Variants in CTCF observed in about 807,000 individuals in gnomAD.
CTCF encodes the protein CCCTC-binding factor.
In CTCF, 7 loss-of-function variants were observed where a neutral mutation model predicts 72.3. The ratio of observed to expected loss-of-function variants is 0.10; its 90% confidence interval spans 0.06 to 0.18. The LOEUF (loss-of-function observed/expected upper bound fraction) is 0.18, where lower values mean the gene tolerates loss of function less well. CTCF is among the 10% of genes least tolerant of loss of function. The probability of loss-of-function intolerance (pLI) is 1.00; values close to 1 mark genes in which losing one functional copy is unlikely to be tolerated. For synonymous variants in CTCF, 374 were observed against 315.8 expected, an observed-to-expected ratio of 1.18 and a Z score of -1.95; for missense variants, 516 against 949.1, an observed-to-expected ratio of 0.54 and a Z score of 6.00.
chr16:67,633,918 G>A (rs1462703749), intron 10 of CTCF, among the ~76,000 whole-genome samples: 4 of 152,030 alleles, frequency 2.6e-5, no homozygotes, highest in Non-Finnish European at 5.9e-5. Flanking sequence ...TCCTGGTATA[G>A]TAGGTAGGGG....
At chr16:67,594,121 G>A (rs936867036) in intron 2 of CTCF, among the ~76,000 whole-genome samples, 8 of 152,042 alleles carry the variant, frequency 5.3e-5, no homozygotes, top group Admixed American at 1.3e-4. Context: ...ATTAAGAAGT[G>A]ACACAGGCTG....
At chr16:67,629,661 C>G (rs1218966687) in intron 10 of CTCF, 128 bp downstream of exon 10, 1 of 757,000 alleles carries the variant, frequency 1.3e-6, no homozygotes, top group Non-Finnish European at 1.9e-6. Context: ...AACTTCTCAT[C>G]TCCTAACGTC....
chr16:67,601,799 T>C (rs2051895430), intron 2 of CTCF, among the ~76,000 whole-genome samples: 1 of 152,096 alleles, frequency 6.6e-6, no homozygotes, highest in African/African-American at 2.4e-5. Context: ...TTTGTACCAC[T>C]TCTTTTTCTA....
chr16:67,586,780 A>G (rs76852168), intron 2 of CTCF, among the ~76,000 whole-genome samples: 5,065 of 151,638 alleles, frequency 0.033, 134 homozygotes, highest in South Asian at 0.06. Context: ...TTATGCTGCT[A>G]TACTCTTTTG....
intron 2 of CTCF, among the ~76,000 whole-genome samples, chr16:67,573,625 G>T (rs529073797): frequency 6.6e-6 from 1 of 152,292 alleles, no homozygotes; most frequent in African/African-American, 2.4e-5. Flanking sequence ...TTGAGCTATA[G>T]AACAGCTCTG....
intron 5 of CTCF, 42 bp downstream of exon 5, chr16:67,616,920 C>A (rs966389553): frequency 6.3e-7 from 1 of 1,596,844 alleles, no homozygotes; most frequent in South Asian, 1.1e-5. Context: ...TTAGGCAGAC[C>A]ATGATTTATT....
chr16:67,590,496 T>C (rs1314673319), intron 2 of CTCF, among the ~76,000 whole-genome samples: 3 of 152,002 alleles, frequency 2.0e-5, no homozygotes, highest in Admixed American at 6.6e-5. Context: ...TGTTATTTTA[T>C]AATTTTTTAT....
chr16:67,604,530 A>G (rs183378386), intron 2 of CTCF, among the ~76,000 whole-genome samples: 6 of 152,092 alleles, frequency 3.9e-5, no homozygotes, highest in African/African-American at 1.4e-4. Flanking sequence ...TTTAGTAGAG[A>G]CAGGATTTCG....
chr16:67,579,090 A>T (rs1480079767), intron 2 of CTCF, among the ~76,000 whole-genome samples: 2 of 151,412 alleles, frequency 1.3e-5, no homozygotes, highest in Non-Finnish European at 2.9e-5. Context: ...CCCCATCTCT[A>T]CTAAAAATAC....
intron 5 of CTCF, among the ~76,000 whole-genome samples, chr16:67,619,254 G>T (rs1037836799): frequency 6.6e-6 from 1 of 152,082 alleles, no homozygotes; most frequent in African/African-American, 2.4e-5. Flanking sequence ...GGGCCAACGT[G>T]GTGAAACCCC....
At chr16:67,569,072 C>G (rs1184873908) in intron 1 of CTCF, among the ~76,000 whole-genome samples, 3 of 152,090 alleles carry the variant, frequency 2.0e-5, no homozygotes, top group African/African-American at 7.2e-5. Flanking sequence ...AACTCCTGAC[C>G]TTGTGATCCG....
intron 2 of CTCF, among the ~76,000 whole-genome samples, chr16:67,591,875 A>AT (rs906245365): frequency 1.7e-4 from 25 of 150,074 alleles, no homozygotes; most frequent in Admixed American, 9.3e-4. Context: ...TACCTAGCTA[A>AT]TTTTTTTTTT....
intron 7 of CTCF, among the ~76,000 whole-genome samples, chr16:67,623,062 A>G (rs918508316): frequency 2.0e-4 from 30 of 151,378 alleles, no homozygotes; most frequent in African/African-American, 7.0e-4. Flanking sequence ...CCTGGGTTCA[A>G]GCTCTTCTCC....
intron 2 of CTCF, among the ~76,000 whole-genome samples, chr16:67,603,401 T>G (rs1408231157): frequency 2.0e-5 from 3 of 151,062 alleles, no homozygotes; most frequent in African/African-American, 7.3e-5. Context: ...GGAGTGCTGG[T>G]GGGTGCCTGT....
rs75191313 is a variant in CTCF at position 67,602,842 on chromosome 16, CAAAA to C, written c.-9-7966_-9-7963del. On this transcript the variant is annotated intron_variant, in intron 2 of 11. Transcript: ENST00000264010. ...GGCAACAAGAGTGAAACTCCATCTCCAAAAAAAAAAAAAAAAAAAGAGAAGAAAA... is the reference window on the plus strand; with the variant it reads ...GGCAACAAGAGTGAAACTCCATCTCCAAAAAAAAAAAAAAAGAGAAGAAAA... Among the ~76,000 whole-genome samples the C allele has an allele frequency of 2.2e-4, 12 of 55,354 alleles. No individual in the cohort carries two copies. In the East Asian group the frequency reaches 4.6e-3, roughly 21 times the overall value. The allele number at this position is 55,354 out of a possible 152,430, so 36.3% of individuals were successfully genotyped here.
chr16:67,605,225 C>T (rs910887424), intron 2 of CTCF, among the ~76,000 whole-genome samples: 8 of 151,926 alleles, frequency 5.3e-5, no homozygotes, highest in African/African-American at 9.7e-5. Context: ...CACCCGCCTT[C>T]GCCTCCCAAA....
intron 2 of CTCF, among the ~76,000 whole-genome samples, chr16:67,577,273 C>T (rs1180879588): frequency 6.7e-6 from 1 of 149,538 alleles, no homozygotes; most frequent in Non-Finnish European, 1.5e-5. Flanking sequence ...AAAAATTAGC[C>T]AGGCATGGTG....
At position 67,626,710 on chromosome 16, in the gene CTCF, A is replaced by G; in HGVS notation, c.1513A>G (p.Arg505Gly). ...GTGTGACCAGTGTGATTACGCTTGT[A>G]GACAGGTAGGAACCTTCATTGAAAG... is the stretch of plus-strand genomic sequence containing the variant. The part of the protein sequence containing the change: ...FKCDQCDYAC[R>G]QERHMIMHKR... The change falls in exon 8 of 12, where the codon AGA (arginine) becomes GGA (glycine). Residue 505 changes from arginine (R) to glycine (G), a missense_variant. Coordinates refer to ENST00000264010, the MANE Select transcript of CTCF (RefSeq NM_006565.4). 1 of 1,454,708 alleles carries G rather than the reference A, an allele frequency of 6.9e-7. No homozygotes were observed. The allele number at this position is 1,454,708 out of a possible 1,614,324, so 90.1% of individuals were successfully genotyped here.
chr16:67,563,704 T>TA (rs1344399648), intron 1 of CTCF: 3 of 152,252 alleles, frequency 2.0e-5, no homozygotes, highest in Non-Finnish European at 2.9e-5. Flanking sequence ...GACTGAAACT[T>TA]AAATTTCATT....
Sources: gnomAD v4.1 joint callset for allele counts (sites outside exome capture counted in the v4.1 genomes callset) on GRCh38, gnomAD v4.1.1 for gene constraint, MANE v1.5 for transcripts, NCBI Gene and HGNC (gene_info 2026-07-23, HGNC 2026-07-21) for gene names.